The following GRIK2 variants were observed in gnomAD, a reference collection of about 807,000 sequenced individuals.
The protein encoded by GRIK2 is glutamate ionotropic receptor kainate type subunit 2.
In GRIK2, 32 loss-of-function variants were observed where a neutral mutation model predicts 100.3. The ratio of observed to expected loss-of-function variants is 0.32; its 90% confidence interval spans 0.24 to 0.43. GRIK2 has a LOEUF of 0.43. Ranked by LOEUF, GRIK2 falls within the 20% of genes least tolerant of loss-of-function variation. The pLI is 1.00. For synonymous variants in GRIK2, 417 were observed against 389.4 expected (o/e 1.07, Z -0.83); for missense variants, 843 against 1,114.9 (o/e 0.76, Z 3.47).
At chr6:101,484,797 T>C (rs750884132) in intron 2 of GRIK2, among the ~76,000 whole-genome samples, 5 of 152,184 alleles carry the variant, frequency 3.3e-5, no homozygotes, top group Non-Finnish European at 7.3e-5. Context: ...TCCTGTTTTA[T>C]TTCAATGCTT....
intron 2 of GRIK2, among the ~76,000 whole-genome samples, chr6:101,504,717 C>T (rs1773933572): frequency 6.6e-6 from 1 of 151,838 alleles, no homozygotes. Flanking sequence ...ATTAACAAAG[C>T]CTTTGTGGAG....
chr6:101,916,972 A>G (rs1287360892), intron 12 of GRIK2, among the ~76,000 whole-genome samples: 4 of 151,594 alleles, frequency 2.6e-5, no homozygotes, highest in African/African-American at 9.7e-5. Context: ...TGATCCCACT[A>G]CAGATGTCAT....
intron 2 of GRIK2, among the ~76,000 whole-genome samples, chr6:101,619,231 G>T (rs1234651926): frequency 1.3e-5 from 2 of 150,422 alleles, no homozygotes; most frequent in Non-Finnish European, 3.0e-5. Flanking sequence ...AACATTGTTG[G>T]GTGGTTATAT....
intron 2 of GRIK2, among the ~76,000 whole-genome samples, chr6:101,540,978 A>G (rs1001615746): frequency 2.0e-5 from 3 of 151,942 alleles, no homozygotes; most frequent in Admixed American, 2.0e-4. Context: ...TGGGGGGAGG[A>G]TATCTGTAGT....
intron 7 of GRIK2, among the ~76,000 whole-genome samples, chr6:101,688,343 T>A (rs1477484916): frequency 6.6e-6 from 1 of 151,750 alleles, no homozygotes; most frequent in Non-Finnish European, 1.5e-5. Context: ...TATTCAATTT[T>A]ACTTTGGTAC....
Position 101,567,087 on chromosome 6 carries a change from A to G in GRIK2, c.116-54862A>G, listed in dbSNP as rs150248395. Among the ~76,000 whole-genome samples the G allele has an allele frequency of 2.4e-3, 361 of 151,884 alleles. 3 individuals are homozygous for G. The highest frequency in any genetic ancestry group is 8.1e-3 in the African/African-American group (338 of 41,518). ...CTGTAATTTTTAGTGTATCATCAAT[A>G]TAAAGGTCAGAAACTGTTTTACCTA... On this transcript the variant is annotated intron_variant, in intron 2 of 16. Coordinates refer to ENST00000369134, the MANE Select transcript of GRIK2 (RefSeq NM_021956.5).
chr6:101,513,510 CAAAG>C (rs1215276145), intron 2 of GRIK2, among the ~76,000 whole-genome samples: 6 of 152,212 alleles, frequency 3.9e-5, no homozygotes, highest in Non-Finnish European at 7.4e-5. Context: ...TTTTTCCCCA[CAAAG>C]AACAGCTTTG....
chr6:101,838,654 C>CT (rs3055065), intron 10 of GRIK2, among the ~76,000 whole-genome samples: 7,008 of 143,812 alleles, frequency 0.049, 208 homozygotes, highest in Non-Finnish European at 0.06. Flanking sequence ...ATTAATACAA[C>CT]TTTTTTTTTT....
intron 14 of GRIK2, among the ~76,000 whole-genome samples, chr6:102,026,319 A>G (rs1046040648): frequency 3.3e-5 from 5 of 150,584 alleles, no homozygotes; most frequent in African/African-American, 1.2e-4. Context: ...ATTTATCACA[A>G]TACTTCCACG....
intron 2 of GRIK2, among the ~76,000 whole-genome samples, chr6:101,451,703 G>C (rs959269547): frequency 7.2e-6 from 1 of 138,372 alleles, no homozygotes; most frequent in Non-Finnish European, 1.6e-5. Flanking sequence ...TGAGGGGGGG[G>C]GGGGTGCCAA....
intron 2 of GRIK2, among the ~76,000 whole-genome samples, chr6:101,538,726 T>G (rs889106303): frequency 6.6e-5 from 10 of 151,718 alleles, no homozygotes; most frequent in African/African-American, 1.9e-4. Flanking sequence ...CTTCTTTGTT[T>G]TATTCATTTA....
intron 7 of GRIK2, among the ~76,000 whole-genome samples, chr6:101,693,546 A>C (rs1032786845): frequency 1.3e-5 from 2 of 151,998 alleles, no homozygotes; most frequent in Non-Finnish European, 2.9e-5. Context: ...TGCAGCACCT[A>C]CTCACACTGA....
intron 14 of GRIK2, among the ~76,000 whole-genome samples, chr6:101,956,932 G>A (rs1791976138): frequency 6.6e-6 from 1 of 150,862 alleles, no homozygotes; most frequent in Non-Finnish European, 1.5e-5. Context: ...ACTTTACTAT[G>A]GTGAATAGTG....
chr6:101,948,764 T>G (rs1791435997), intron 14 of GRIK2, among the ~76,000 whole-genome samples: 1 of 151,904 alleles, frequency 6.6e-6, no homozygotes, highest in Non-Finnish European at 1.5e-5. Flanking sequence ...GATGAGCCAC[T>G]GTGCCTGGCC....
At chr6:101,699,986 A>G (rs1441619624) in intron 7 of GRIK2, among the ~76,000 whole-genome samples, 3 of 151,960 alleles carry the variant, frequency 2.0e-5, no homozygotes, top group East Asian at 1.9e-4. Flanking sequence ...GTTTCTACAA[A>G]CAAAATGGAA....
intron 14 of GRIK2, among the ~76,000 whole-genome samples, chr6:101,937,595 C>T (rs1403942712): frequency 2.0e-5 from 3 of 152,062 alleles, no homozygotes; most frequent in African/African-American, 7.2e-5. Flanking sequence ...TTATATCTTA[C>T]ATAAAAAAAC....
intron 3 of GRIK2, among the ~76,000 whole-genome samples, chr6:101,624,899 AT>A (rs985542706): frequency 5.3e-5 from 8 of 151,360 alleles, no homozygotes; most frequent in East Asian, 3.9e-4. Context: ...GCCCAGCTGA[AT>A]TTTTTTTTGT....
intron 7 of GRIK2, among the ~76,000 whole-genome samples, chr6:101,714,923 T>C (rs557002501): frequency 3.3e-5 from 5 of 151,748 alleles, no homozygotes; most frequent in Non-Finnish European, 5.9e-5. Flanking sequence ...AATTATAATA[T>C]AAACAAATAC....
In GRIK2 at chr6:101,909,371, G is replaced by GTTT. The variant is rs370241149; in HGVS notation, c.1749-15228_1749-15226dup. Among the ~76,000 whole-genome samples, 62 of 83,510 alleles carry GTTT rather than the reference G, an allele frequency of 7.4e-4. 8 individuals are homozygous for GTTT. The highest frequency in any genetic ancestry group is 1.6e-3 in the African/African-American group (36 of 22,874). 54.8% of individuals were successfully genotyped at this position (83,510 alleles called of 152,430 possible). The stretch of plus-strand genomic sequence containing the variant: ...TTTTTGGATGCTGAAGGAAGATAGG[G>GTTT]TTTTCTTTTTCTTTTTTTTTTTTTT... On this transcript the variant is annotated intron_variant, in intron 12 of 16. Transcript: ENST00000369134.
Sources: allele counts gnomAD v4.1 joint callset (sites outside exome capture counted in the v4.1 genomes callset), GRCh38; gene constraint gnomAD v4.1.1; transcripts MANE v1.5; gene names NCBI Gene and HGNC (gene_info 2026-07-23, HGNC 2026-07-21).